TAFA2: variants seen among roughly 807,000 people sequenced by gnomAD.
TAFA2 encodes the protein TAFA chemokine like family member 2.
Under a neutral mutation model 18.8 loss-of-function variants are expected in TAFA2, and 7 were observed. That is an observed-to-expected ratio of 0.37 (90% CI 0.21 to 0.70). TAFA2 has a LOEUF of 0.70. Among genes scored for constraint, TAFA2 ranks in the 30% least tolerant of loss-of-function variants. TAFA2 has a pLI of 0.53. For synonymous variants in TAFA2, 60 were observed against 54.2 expected (o/e 1.11, Z -0.47); for missense variants, 122 against 158.1 (o/e 0.77, Z 1.23).
chr12:62,205,663 G>A (rs568976834), intron 1 of TAFA2, among the ~76,000 whole-genome samples: 1 of 152,136 alleles, frequency 6.6e-6, no homozygotes, highest in South Asian at 2.1e-4. Context: ...GGTCCAAACC[G>A]CCCAGTTTCC....
intron 2 of TAFA2, among the ~76,000 whole-genome samples, chr12:61,829,255 G>C (rs1485417647): frequency 6.6e-6 from 1 of 151,662 alleles, no homozygotes; most frequent in Non-Finnish European, 1.5e-5. Context: ...TTTTAGGTTT[G>C]AGTGTTAGCC....
At chr12:62,063,303 T>A (rs1565732424) in intron 1 of TAFA2, among the ~76,000 whole-genome samples, 1 of 152,216 alleles carries the variant, frequency 6.6e-6, no homozygotes, top group Non-Finnish European at 1.5e-5. Context: ...AATAGTAGTC[T>A]AATTCCTGAT....
intron 1 of TAFA2, among the ~76,000 whole-genome samples, chr12:61,954,866 C>A (rs1015167261): frequency 4.6e-5 from 7 of 152,032 alleles, no homozygotes; most frequent in African/African-American, 1.7e-4. Context: ...GGAACTTTTT[C>A]TCATAGGAAG....
intron 1 of TAFA2, among the ~76,000 whole-genome samples, chr12:62,181,596 A>C (rs755596480): frequency 2.2e-4 from 34 of 152,232 alleles, no homozygotes; most frequent in Non-Finnish European, 4.7e-4. Flanking sequence ...TGACATGTCT[A>C]AATCTAATCT....
At chr12:62,170,669 C>T (rs531629905) in intron 1 of TAFA2, among the ~76,000 whole-genome samples, 9 of 142,292 alleles carry the variant, frequency 6.3e-5, no homozygotes, top group African/African-American at 9.9e-5. Flanking sequence ...TTTTTTACAT[C>T]GATACAATGC....
At chr12:61,765,788 G>A (rs1304562114) in intron 2 of TAFA2, among the ~76,000 whole-genome samples, 1 of 152,054 alleles carries the variant, frequency 6.6e-6, no homozygotes, top group Non-Finnish European at 1.5e-5. Context: ...ATATCTAAGA[G>A]ATAATCATAG....
chr12:62,023,756 T>C (rs1881223266), intron 1 of TAFA2: 1 of 152,030 alleles, frequency 6.6e-6, no homozygotes, highest in African/African-American at 2.4e-5. Context: ...CTGCATCTAC[T>C]CCTTACAGTC....
At chr12:61,799,092 T>C (rs898172228) in intron 2 of TAFA2, among the ~76,000 whole-genome samples, 1 of 152,234 alleles carries the variant, frequency 6.6e-6, no homozygotes, top group African/African-American at 2.4e-5. Flanking sequence ...TATGCATATA[T>C]GCTTTATTAT....
chr12:61,712,777 A>C (rs536351940), intron 4 of TAFA2, among the ~76,000 whole-genome samples: 1 of 150,438 alleles, frequency 6.6e-6, no homozygotes, highest in African/African-American at 2.4e-5. Context: ...ATCATTTCTA[A>C]TATTAGATGA....
chr12:61,715,023 G>C (rs537620747), intron 4 of TAFA2, among the ~76,000 whole-genome samples: 1 of 152,134 alleles, frequency 6.6e-6, no homozygotes, highest in South Asian at 2.1e-4. Context: ...TGTGTAATAC[G>C]CTATTGTGAT....
intron 4 of TAFA2, among the ~76,000 whole-genome samples, chr12:61,726,932 C>A (rs555011966): frequency 6.6e-6 from 1 of 152,050 alleles, no homozygotes; most frequent in East Asian, 1.9e-4. Context: ...GGGTTTTAAT[C>A]ATAAAGTGAT....
At chr12:62,127,521 A>G (rs1870513305) in intron 1 of TAFA2, among the ~76,000 whole-genome samples, 1 of 152,090 alleles carries the variant, frequency 6.6e-6, no homozygotes, top group African/African-American at 2.4e-5. Context: ...TTTCTTATTA[A>G]AATTAATAAA....
chr12:61,960,190 A>C (rs769085497), intron 1 of TAFA2, among the ~76,000 whole-genome samples: 2 of 151,978 alleles, frequency 1.3e-5, no homozygotes, highest in African/African-American at 2.4e-5. Flanking sequence ...TATGGGTGTA[A>C]ATCTTAATAA....
chr12:61,763,417 A>T (rs2120804148), intron 2 of TAFA2, among the ~76,000 whole-genome samples: 1 of 152,166 alleles, frequency 6.6e-6, no homozygotes, highest in South Asian at 2.1e-4. Flanking sequence ...AAACAAAGGG[A>T]GATTCACTCA....
chr12:61,849,008 A>G (rs919801406), intron 2 of TAFA2, among the ~76,000 whole-genome samples: 1 of 151,952 alleles, frequency 6.6e-6, no homozygotes, highest in African/African-American at 2.4e-5. Context: ...CGGCTGGCTA[A>G]TTTTTTGTAT....
In TAFA2 at chr12:61,779,977, A is replaced by T. The variant is rs538858217; in HGVS notation, c.107-24953T>A. Among the ~76,000 whole-genome samples, 4 of 151,950 alleles carry T rather than the reference A, an allele frequency of 2.6e-5. No individual in the cohort carries two copies. The South Asian group carries it at 8.3e-4, about 32-fold the overall frequency. The stretch of plus-strand genomic sequence containing the variant: ...ACAGTGATTTTAGGCAAAACTTTCT[A>T]ACCAGAAGTGTAAGTCATATTGGGC... On this transcript the variant is annotated intron_variant, in intron 2 of 4. Transcript: ENST00000416284.
At chr12:61,949,601 T>C (rs1473857481) in intron 1 of TAFA2, among the ~76,000 whole-genome samples, 3 of 152,122 alleles carry the variant, frequency 2.0e-5, no homozygotes, top group Non-Finnish European at 4.4e-5. Flanking sequence ...AAGTCACACA[T>C]TCTTTATATA....
chr12:61,721,534 A>G (rs755466113), intron 4 of TAFA2, among the ~76,000 whole-genome samples: 1 of 152,144 alleles, frequency 6.6e-6, no homozygotes, highest in Non-Finnish European at 1.5e-5. Context: ...GGCGGCATTC[A>G]TTTTTCAAGC....
intron 4 of TAFA2, among the ~76,000 whole-genome samples, chr12:61,738,493 G>T (rs998765062): frequency 6.6e-6 from 1 of 152,028 alleles, no homozygotes; most frequent in African/African-American, 2.4e-5. Flanking sequence ...GTCAGAAAAA[G>T]AAGAATTGTC....
Sources: allele counts gnomAD v4.1 joint callset (sites outside exome capture counted in the v4.1 genomes callset), GRCh38; gene constraint gnomAD v4.1.1; transcripts MANE v1.5; gene names NCBI Gene and HGNC (gene_info 2026-07-23, HGNC 2026-07-21).